HM13: variants seen among roughly 807,000 people sequenced by gnomAD.
HM13 encodes signal peptide peptidase.
Under a neutral mutation model 50.0 loss-of-function variants are expected in HM13, and 18 were observed. The ratio of observed to expected loss-of-function variants is 0.36; its 90% CI spans 0.25 to 0.53. The LOEUF (loss-of-function observed/expected upper bound fraction) is 0.53, where lower values mean the gene tolerates loss of function less well. HM13 is among the 20% of genes least tolerant of loss of function. The probability of loss-of-function intolerance (pLI) is 0.90; values close to 1 mark genes in which losing one functional copy is unlikely to be tolerated. For missense variants in HM13, 393 were observed against 552.4 expected, an observed-to-expected ratio of 0.71 and a Z score of 2.89; for synonymous variants, 197 against 232.6, an observed-to-expected ratio of 0.85 and a Z score of 1.39.
At chr20:31,518,887 C>A (rs1568777572) in intron 1 of HM13, among the ~76,000 whole-genome samples, 1 of 151,238 alleles carries the variant, frequency 6.6e-6, no homozygotes, top group African/African-American at 2.4e-5. Context: ...AGAGAGAGAT[C>A]TACCTCATCT....
chr20:31,514,683 G>C lies in HM13; in HGVS notation c.132G>C (p.Leu44=), dbSNP rs774455531. 3 of 1,555,772 alleles carry C rather than the reference G, an allele frequency of 1.9e-6. No individual in the cohort carries two copies. The highest frequency in any genetic ancestry group is 4.8e-5 in the East Asian group (2 of 41,634). Residue 44 remains leucine, a synonymous_variant, in exon 1 of 13, where the codon CTG becomes CTC. Coordinates refer to ENST00000398174, the MANE Select transcript of HM13 (RefSeq NM_178581.3). The surrounding 1 kb of genome is among the most constrained non-coding windows in gnomAD (Gnocchi z 4.3). ...LAYGSLLLMA[L]LPIFFGALRS... is the part of the protein sequence containing the mutation. ...ACGGCAGCCTCCTGCTCATGGCGCT[G>C]CTGCCCATCTTCTTCGGCGCCCTGC... is the stretch of plus-strand genomic sequence containing the variant.
chr20:31,547,409 C>T (rs1291052131), intron 4 of HM13: 5 of 450,962 alleles, frequency 1.1e-5, no homozygotes, highest in South Asian at 2.9e-5. Flanking sequence ...TCTGGCAGGC[C>T]GCGTGGCGCC....
intron 1 of HM13, among the ~76,000 whole-genome samples, chr20:31,526,619 C>A (rs988916803): frequency 2.0e-5 from 3 of 152,176 alleles, no homozygotes; most frequent in Non-Finnish European, 4.4e-5. Flanking sequence ...ACATCACATT[C>A]TTGCCAACTA....
intron 7 of HM13, 59 bp downstream of exon 7, chr20:31,550,180 C>T (rs1157111754): frequency 7.8e-7 from 1 of 1,278,756 alleles, no homozygotes; most frequent in Non-Finnish European, 1.1e-6. Flanking sequence ...GCCATGCCCC[C>T]ACAGCCCGTT....
intron 1 of HM13, 34 bp from the exon 2 acceptor site, chr20:31,527,450 C>A: frequency 6.8e-7 from 1 of 1,463,880 alleles, no homozygotes; most frequent in Non-Finnish European, 9.6e-7. Flanking sequence ...GGGAACCAGC[C>A]GTGCTGAGCC....
At chr20:31,534,033 C>A (rs1205567405) in intron 2 of HM13, among the ~76,000 whole-genome samples, 1 of 152,090 alleles carries the variant, frequency 6.6e-6, no homozygotes, top group African/African-American at 2.4e-5. Context: ...GCATGCACCA[C>A]CACGCCCGCC....
intron 4 of HM13, chr20:31,547,487 C>T: frequency 1.5e-6 from 1 of 646,170 alleles, no homozygotes; most frequent in Non-Finnish European, 2.7e-6. Context: ...CTGTTGTCGC[C>T]CGCTTCACCC....
intron 8 of HM13, among the ~76,000 whole-genome samples, chr20:31,558,198 A>G (rs947789994): frequency 2.6e-5 from 4 of 152,074 alleles, no homozygotes; most frequent in Admixed American, 6.5e-5. Flanking sequence ...ATTGCTTACA[A>G]TTGGCTTGGT....
intron 7 of HM13, among the ~76,000 whole-genome samples, chr20:31,553,683 C>A (rs1386775732): frequency 2.0e-5 from 3 of 152,018 alleles, no homozygotes; most frequent in Non-Finnish European, 4.4e-5. Context: ...GTTATAACCT[C>A]CTTTTGCTAT....
chr20:31,562,725 AATAACTC>A, intron 10 of HM13: 1 of 152,316 alleles, frequency 6.6e-6, no homozygotes, highest in Non-Finnish European at 1.5e-5. Flanking sequence ...CTCTTTTGCT[AATAACTC>A]ATTTAGTCCT....
rs771084897 is a variant in HM13, at chr20:31,549,042, T to C, written c.468T>C (p.Tyr156=). ...CTCTCTGCTCAGAGATCATCAATTA[T>C]GAATTTGACACCAAGGACCTGGTGT... The part of the protein sequence containing the change: ...SGENKEEIIN[Y]EFDTKDLVCL... The change falls in exon 5 of 13, where the codon TAT becomes TAC. Residue 156 remains tyrosine (Y), a synonymous_variant. Transcript: ENST00000398174. The C allele has an allele frequency of 4.3e-6, 7 of 1,614,164 alleles. No individual in the cohort carries two copies. Among genetic ancestry groups the C allele is most frequent in the South Asian group, 1.1e-5 (1 of 91,082 alleles).
At chr20:31,535,884 A>T (rs528408489) in intron 2 of HM13, among the ~76,000 whole-genome samples, 4 of 152,190 alleles carry the variant, frequency 2.6e-5, no homozygotes, top group Non-Finnish European at 5.9e-5. Context: ...GGTCCATAGC[A>T]CCAGGAAAGC....
intron 3 of HM13, chr20:31,539,533 T>C: frequency 1.0e-6 from 1 of 984,362 alleles, no homozygotes; most frequent in Non-Finnish European, 1.2e-6. Flanking sequence ...TGGTGGCTCA[T>C]GCCTGTAATC....
intron 2 of HM13, among the ~76,000 whole-genome samples, chr20:31,536,956 G>T (rs112804255): frequency 6.6e-6 from 1 of 152,222 alleles, no homozygotes; most frequent in Admixed American, 6.5e-5. Flanking sequence ...GGAGAGCAGC[G>T]ACTTTGCCTG....
rs1257333105 is a variant in HM13, at chr20:31,561,721, C to T, written c.933C>T (p.Ile311=). The change falls in exon 10 of 13, where the codon ATC becomes ATT. Residue 311 remains isoleucine, a synonymous_variant. Coordinates refer to ENST00000398174, the MANE Select transcript of HM13 (RefSeq NM_178581.3). ...GCCTTACCATCTTCATCATGCACAT[C>T]TTCAAGCATGCTCAGGTGGGCAGGA... ...GLGLTIFIMH[I]FKHAQPALLY... 1.1e-5 allele frequency: 17 copies of T among 1,609,410 alleles called. No individual in the cohort carries two copies. Among genetic ancestry groups the T allele is most frequent in the African/African-American group, 1.3e-5 (1 of 74,824 alleles).
At chr20:31,524,710 C>CTTTTT (rs1156549702) in intron 1 of HM13, among the ~76,000 whole-genome samples, 5 of 110,766 alleles carry the variant, frequency 4.5e-5, no homozygotes, top group Non-Finnish European at 7.6e-5. Flanking sequence ...TGTTGTGTGG[C>CTTTTT]TTTTTTTTTT....
At position 31,530,815 on chromosome 20, in the gene HM13, C is replaced by A. The variant is rs73233628; in HGVS notation, c.282+3233C>A. 9.3e-3 allele frequency among the ~76,000 whole-genome samples: 1,414 copies of A among 152,238 alleles called. 17 individuals are homozygous for A. The highest frequency in any genetic ancestry group is 0.032 in the African/African-American group (1,342 of 41,532). ...TATCATAGCAGTATTGTCGTGAACA[C>A]TTCATACACATAATTTGTGCACTTA... is the stretch of plus-strand genomic sequence containing the variant. On this transcript the variant is annotated intron_variant, in intron 2 of 12. Coordinates refer to ENST00000398174, the MANE Select transcript of HM13 (RefSeq NM_178581.3).
At chr20:31,521,602 G>T (rs370125242) in intron 1 of HM13, among the ~76,000 whole-genome samples, 3 of 152,008 alleles carry the variant, frequency 2.0e-5, no homozygotes, top group Admixed American at 6.6e-5. Context: ...GGTGGTACAT[G>T]CCTGTAGTCC....
intron 3 of HM13, 160 bp downstream of exon 3, chr20:31,538,421 A>T: frequency 1.4e-6 from 2 of 1,473,930 alleles, no homozygotes; most frequent in South Asian, 2.7e-5. Context: ...GATGACTAGG[A>T]CAAGAACAAT....
Sources: allele counts gnomAD v4.1 joint callset (sites outside exome capture counted in the v4.1 genomes callset), GRCh38; gene constraint gnomAD v4.1.1; non-coding constraint Gnocchi (gnomAD v3.1); transcripts MANE v1.5; gene names NCBI Gene and HGNC (gene_info 2026-07-23, HGNC 2026-07-21).